The following GCN1 variants were observed in gnomAD, a reference collection of about 807,000 sequenced individuals.
GCN1 encodes the protein stalled ribosome sensor GCN1.
GCN1 carries 90 observed loss-of-function variants against 288.4 expected under a neutral mutation model. That is an observed-to-expected ratio of 0.31 (90% CI 0.26 to 0.37). The LOEUF (loss-of-function observed/expected upper bound fraction) is 0.37. GCN1 is among the 10% of genes least tolerant of loss of function. The probability of loss-of-function intolerance (pLI) is 1.00; values close to 1 mark genes in which losing one functional copy is unlikely to be tolerated. For synonymous variants in GCN1, 1,386 were observed against 1,420.2 expected, an observed-to-expected ratio of 0.98 and a Z score of 0.54; for missense variants, 2,586 against 3,419.9, an observed-to-expected ratio of 0.76 and a Z score of 6.08.
At chr12:120,149,193 T>C (rs912944908) in intron 36 of GCN1, among the ~76,000 whole-genome samples, 6 of 151,998 alleles carry the variant, frequency 3.9e-5, no homozygotes, top group African/African-American at 1.5e-4. Context: ...TTTCTTGGCA[T>C]GAAAGCACAT....
rs61417126 is a variant in GCN1, at chr12:120,177,626, T to C, written c.729+58A>G. ...CCAAGAAGCAAAAAAGAGTTCAGCA[T>C]CCCAGAATTGAAAATGGGATCAGTT... On this transcript the variant is annotated intron_variant, in intron 8 of 57. Transcript: ENST00000300648. 1.6e-3 allele frequency: 2,533 copies of C among 1,548,048 alleles called. 31 individuals are homozygous for C. The African/African-American group carries it at 0.03, about 18-fold the overall frequency.
In GCN1 at chr12:120,127,920, G is replaced by A. The variant is rs761154601; in HGVS notation, c.7945C>T (p.Arg2649Ter). 3 of 1,614,024 alleles carry A rather than the reference G, an allele frequency of 1.9e-6. No individual in the cohort carries two copies. The highest frequency in any genetic ancestry group is 2.5e-6 in the Non-Finnish European group (3 of 1,179,924). Residue 2649 changes from arginine to a stop codon, truncating the protein, a stop_gained, in exon 58 of 58, where the codon CGA becomes TGA. Transcript: ENST00000300648. LOFTEE classifies it high-confidence loss of function. The stretch of plus-strand genomic sequence containing the variant: ...CTGGCCAGCTTCTTCAGGGACCTTC[G>A]GTTAACCTCGTTCAGCACCTCCAAA... Reference protein sequence around the residue: ...ASLEVLNEVNRRSLKKLASQA... With the variant: ...ASLEVLNEVN
chr12:120,140,132 A>G (rs1877142714), intron 45 of GCN1, among the ~76,000 whole-genome samples: 1 of 152,180 alleles, frequency 6.6e-6, no homozygotes, highest in Admixed American at 6.5e-5. Flanking sequence ...TCAATATAGG[A>G]GAAGAGGGAT....
In GCN1 at chr12:120,156,692, C is replaced by A. The variant is rs61945820; in HGVS notation, c.3169-88G>T. 7.5e-7 allele frequency: 1 copy of A among 1,337,162 alleles called. No homozygotes were observed. The highest frequency in any genetic ancestry group is 1.3e-5 in the South Asian group (1 of 78,612). 82.8% of individuals were successfully genotyped at this position (1,337,162 alleles called of 1,614,324 possible). On this transcript the variant is annotated intron_variant, in intron 27 of 57. Transcript: ENST00000300648. This position sits in a 1 kb window ranked among gnomAD's most constrained non-coding sequence, Gnocchi z 5.8. Reference sequence around the variant, plus strand: ...GGGATATGCACTGAGAACACCCACCCCTACAGCACTGCAAGGGCTAAGACC... The same window carrying A: ...GGGATATGCACTGAGAACACCCACCACTACAGCACTGCAAGGGCTAAGACC...
At chr12:120,164,548 C>T in intron 17 of GCN1, 53 bp from the exon 18 acceptor site, 2 of 1,603,376 alleles carry the variant, frequency 1.2e-6, no homozygotes, top group Non-Finnish European at 1.7e-6. Flanking sequence ...CAGGGCTTTC[C>T]ACAGCCAACC....
chr12:120,154,454 G>A lies in GCN1; in HGVS notation c.3701+516C>T, dbSNP rs907338537. Among the ~76,000 whole-genome samples the A allele has an allele frequency of 3.9e-5, 6 of 152,196 alleles. No homozygotes were observed. In the East Asian group the frequency reaches 7.7e-4, roughly 20 times the overall value. On this transcript the variant is annotated intron_variant, in intron 31 of 57. Transcript: ENST00000300648. ...CCATTCAGAGAACTAACACCCTTGC[G>A]TGTTTTGAGCCTGCTCTGTGGGAGG...
At chr12:120,175,062 G>A in intron 12 of GCN1, 100 bp downstream of exon 12, 2 of 989,642 alleles carry the variant, frequency 2.0e-6, no homozygotes, top group Non-Finnish European at 1.5e-6. Context: ...GGGAGGCAGA[G>A]GTTGCAGTGA....
At chr12:120,168,877 C>A (rs1469021457) in intron 15 of GCN1, among the ~76,000 whole-genome samples, 1 of 152,212 alleles carries the variant, frequency 6.6e-6, no homozygotes. Flanking sequence ...AGCATTCCCC[C>A]AGGTAGCCCA....
At position 120,145,319 on chromosome 12, in the gene GCN1, C is replaced by A; in HGVS notation, c.4959G>T (p.Pro1653=). 1 of 1,590,126 alleles carries A rather than the reference C, an allele frequency of 6.3e-7. No individual in the cohort carries two copies. Among genetic ancestry groups the A allele is most frequent in the Non-Finnish European group, 8.6e-7 (1 of 1,168,312 alleles). The change falls in exon 39 of 58, where the codon CCG becomes CCT. Residue 1653 remains proline (P), a synonymous_variant. Coordinates refer to ENST00000300648, the MANE Select transcript of GCN1 (RefSeq NM_006836.2). ...GGCCAGGCGTCACGCTGGGCAGGTA[C>A]GGAGCCAAGTCCTGCAACAACACAG... ...YSLTDQKDLA[P]YLPSVTPGLK... is the part of the protein sequence containing the mutation.
At chr12:120,128,338 C>CTT (rs111527973) in intron 57 of GCN1, among the ~76,000 whole-genome samples, 1 of 141,394 alleles carries the variant, frequency 7.1e-6, no homozygotes, top group East Asian at 2.0e-4. Context: ...AGCTTTTGGG[C>CTT]TTTTTTTTTT....
At position 120,162,934 on chromosome 12, in the gene GCN1, G is replaced by C. The variant is rs1296097687; in HGVS notation, c.2076C>G (p.Ala692=). 4.3e-6 allele frequency: 7 copies of C among 1,614,202 alleles called. No individual in the cohort carries two copies. Among genetic ancestry groups the C allele is most frequent in the Non-Finnish European group, 5.9e-6 (7 of 1,180,028 alleles). The change falls in exon 20 of 58, where the codon GCC becomes GCG. Residue 692 remains alanine (A), a synonymous_variant. Transcript: ENST00000300648. ...VQSGLWPALL[A]RMKIDPEAFI... ...AGGCTTCAGGATCGATCTTCATCCTGGCAAGAAGTGCTGGCCAAAGTCCAG... is the reference window on the plus strand; with the variant it reads ...AGGCTTCAGGATCGATCTTCATCCTCGCAAGAAGTGCTGGCCAAAGTCCAG...
chr12:120,144,577 G>A lies in GCN1; in HGVS notation c.5352+62C>T. The A allele has an allele frequency of 1.3e-6, 2 of 1,558,954 alleles. No homozygotes were observed. Among genetic ancestry groups the A allele is most frequent in the South Asian group, 1.1e-5 (1 of 87,588 alleles). Reference sequence around the variant, plus strand: ...GCCAGCAGGGATCTCTAGCTCTCCAGGTGAGCACTTGCCTCCTGCCCTCCT... The same window carrying A: ...GCCAGCAGGGATCTCTAGCTCTCCAAGTGAGCACTTGCCTCCTGCCCTCCT... On this transcript the variant is annotated intron_variant, in intron 41 of 57. Transcript: ENST00000300648. The surrounding 1 kb of genome is among the most constrained non-coding windows in gnomAD (Gnocchi z 4.7).
rs1339560376 is a variant in GCN1 at position 120,170,182 on chromosome 12, A to G, written c.1506T>C (p.Ala502=). The G allele has an allele frequency of 1.9e-6, 3 of 1,614,164 alleles. No homozygotes were observed. In the South Asian group the frequency reaches 3.3e-5, roughly 18 times the overall value. The change falls in exon 15 of 58, where the codon GCT becomes GCC. Residue 502 remains alanine, a synonymous_variant. Transcript: ENST00000300648. ...AALLLLKLSV[A]DSQAEAKLSS... Reference sequence around the variant, plus strand: ...CTGGACTCATACCAGCCTGTGAGTCAGCCACTGACAACTTTAAGAGCAACA... The same window carrying G: ...CTGGACTCATACCAGCCTGTGAGTCGGCCACTGACAACTTTAAGAGCAACA...
intron 2 of GCN1, among the ~76,000 whole-genome samples, chr12:120,188,745 A>T (rs1285282444): frequency 6.6e-6 from 1 of 151,262 alleles, no homozygotes; most frequent in African/African-American, 2.4e-5. Context: ...GCTACTCCAG[A>T]GGCTGAGGCA....
rs1043491039 is a variant in GCN1 at position 120,144,122 on chromosome 12, G to A, written c.5495+184C>T. Among the ~76,000 whole-genome samples, 6 of 152,158 alleles carry A rather than the reference G, an allele frequency of 3.9e-5. No individual in the cohort carries two copies. Among genetic ancestry groups the A allele is most frequent in the South Asian group, 4.1e-4 (2 of 4,820 alleles). On this transcript the variant is annotated intron_variant, in intron 42 of 57. Coordinates refer to ENST00000300648, the MANE Select transcript of GCN1 (RefSeq NM_006836.2). The surrounding 1 kb of genome is among the most constrained non-coding windows in gnomAD (Gnocchi z 4.7). ...CTCCTGTGTAGCTGGGATTACAGGT[G>A]TGCACCACCATTCCCAGCTAATTTT... is the stretch of plus-strand genomic sequence containing the variant.
chr12:120,171,434 T>C (rs1429596535), intron 14 of GCN1, among the ~76,000 whole-genome samples: 1 of 152,102 alleles, frequency 6.6e-6, no homozygotes, highest in Non-Finnish European at 1.5e-5. Context: ...ACCACTACAC[T>C]ACAGCCTGGG....
intron 1 of GCN1, among the ~76,000 whole-genome samples, chr12:120,191,568 G>A (rs888167405): frequency 1.3e-5 from 2 of 152,136 alleles, no homozygotes; most frequent in East Asian, 1.9e-4. Flanking sequence ...AGAGTCAAGC[G>A]TACACACAGA....
intron 2 of GCN1, among the ~76,000 whole-genome samples, chr12:120,188,390 C>A (rs1225751242): frequency 6.7e-6 from 1 of 148,234 alleles, no homozygotes; most frequent in East Asian, 2.0e-4. Flanking sequence ...GCAGAGGTCG[C>A]GCCACAGCAC....
At chr12:120,166,595 T>G (rs993648598) in intron 16 of GCN1, among the ~76,000 whole-genome samples, 3 of 146,456 alleles carry the variant, frequency 2.0e-5, no homozygotes, top group Admixed American at 6.9e-5. Flanking sequence ...TCCCAGCTAC[T>G]CAGGAGGCTG....
Sources: gnomAD v4.1 joint callset for allele counts (sites outside exome capture counted in the v4.1 genomes callset) on GRCh38, gnomAD v4.1.1 for gene constraint, Gnocchi (gnomAD v3.1) non-coding constraint, MANE v1.5 for transcripts, NCBI Gene and HGNC (gene_info 2026-07-23, HGNC 2026-07-21) for gene names.